The following MYO5A variants were observed in gnomAD, a reference collection of about 807,000 sequenced individuals.
MYO5A encodes the protein myosin VA.
In MYO5A, 98 loss-of-function variants were observed where a neutral mutation model predicts 249.7. The ratio of observed to expected loss-of-function variants is 0.39; its 90% CI spans 0.33 to 0.46. The LOEUF (loss-of-function observed/expected upper bound fraction) is 0.46. MYO5A is among the 20% of genes least tolerant of loss of function. The pLI is 0.98. For missense variants in MYO5A, 1,696 were observed against 2,308.8 expected (o/e 0.73, Z 5.44); for synonymous variants, 778 against 810.6 (o/e 0.96, Z 0.68).
intron 9 of MYO5A, among the ~76,000 whole-genome samples, chr15:52,402,114 T>C (rs374669488): frequency 6.6e-6 from 1 of 152,324 alleles, no homozygotes; most frequent in Admixed American, 6.5e-5. Flanking sequence ...CAAAGTAGAT[T>C]TGCAGTTGCT....
At chr15:52,505,669 G>A (rs772456504) in intron 1 of MYO5A, 69 of 1,235,766 alleles carry the variant, frequency 5.6e-5, no homozygotes, top group Non-Finnish European at 7.3e-5. Flanking sequence ...ATTAGAGGGC[G>A]TCAGAAGCAT....
intron 21 of MYO5A, among the ~76,000 whole-genome samples, 153 bp from the exon 22 acceptor site, chr15:52,370,570 A>T (rs1240214323): frequency 6.6e-6 from 1 of 152,258 alleles, no homozygotes; most frequent in African/African-American, 2.4e-5. Context: ...CAATAGCACA[A>T]CCAATACCTT....
intron 37 of MYO5A, 93 bp downstream of exon 37, chr15:52,323,258 CTAAA>C (rs1302808196): frequency 8.9e-7 from 1 of 1,120,482 alleles, no homozygotes; most frequent in East Asian, 2.5e-5. Context: ...ATTTGGGTTC[CTAAA>C]TAAATGGTTA....
chr15:52,510,892 T>C (rs1453430168), intron 1 of MYO5A, among the ~76,000 whole-genome samples: 3 of 152,246 alleles, frequency 2.0e-5, no homozygotes, highest in Non-Finnish European at 4.4e-5. Context: ...TTTCATTTAA[T>C]TGTACCCATC....
rs1273600595 is a variant in MYO5A at position 52,423,388 on chromosome 15, TAA to T, written c.455+2440_455+2441del. Among the ~76,000 whole-genome samples the T allele has an allele frequency of 2.6e-5, 4 of 151,412 alleles. No homozygotes were observed. In the East Asian group the frequency reaches 5.8e-4, roughly 22 times the overall value. On this transcript the variant is annotated intron_variant, in intron 4 of 41. Coordinates refer to ENST00000399233, the MANE Select transcript of MYO5A (RefSeq NM_001382347.1). ...TAACACAGTGAAACCCCGTCTCCAC[TAA>T]AAATACAAAAAATTAGCTGGGCGTG...
intron 1 of MYO5A, among the ~76,000 whole-genome samples, chr15:52,476,873 G>C (rs2076605930): frequency 6.6e-6 from 1 of 152,054 alleles, no homozygotes; most frequent in African/African-American, 2.4e-5. Context: ...TATGTGTCTT[G>C]GGGTTGTTCT....
intron 1 of MYO5A, among the ~76,000 whole-genome samples, chr15:52,482,057 GC>G (rs939254203): frequency 6.6e-6 from 1 of 152,182 alleles, no homozygotes; most frequent in African/African-American, 2.4e-5. Context: ...AGAGGAAGTG[GC>G]TAGGCAGTTT....
chr15:52,489,292 C>T (rs2076886218), intron 1 of MYO5A, among the ~76,000 whole-genome samples: 1 of 152,150 alleles, frequency 6.6e-6, no homozygotes, highest in South Asian at 2.1e-4. Flanking sequence ...CGGCTGGGCG[C>T]GGTGGCTCAT....
intron 36 of MYO5A, among the ~76,000 whole-genome samples, chr15:52,325,974 T>C (rs2038584812): frequency 6.6e-6 from 1 of 152,192 alleles, no homozygotes; most frequent in Non-Finnish European, 1.5e-5. Context: ...AGAAAACAAG[T>C]TGAACTCAAA....
intron 1 of MYO5A, among the ~76,000 whole-genome samples, chr15:52,453,694 C>T (rs926687017): frequency 4.6e-5 from 7 of 151,716 alleles, no homozygotes; most frequent in South Asian, 2.1e-4. Flanking sequence ...AAAGTGAAAA[C>T]GTAGGGGGAA....
At chr15:52,462,920 T>G (rs868191057) in intron 1 of MYO5A, among the ~76,000 whole-genome samples, 4 of 152,340 alleles carry the variant, frequency 2.6e-5, no homozygotes, top group Middle Eastern at 6.8e-3. Context: ...GAGTACACTT[T>G]GCTTCCCTTA....
rs1006019790 is a variant in MYO5A, at chr15:52,358,454, C to T, written c.3423+1514G>A. 3.3e-5 allele frequency among the ~76,000 whole-genome samples: 5 copies of T among 152,210 alleles called. No individual in the cohort carries two copies. In the East Asian group the frequency reaches 7.7e-4, roughly 23 times the overall value. On this transcript the variant is annotated intron_variant, in intron 25 of 41. Coordinates refer to ENST00000399233, the MANE Select transcript of MYO5A (RefSeq NM_001382347.1). ...TCCAAAGATGGCACCAATGATTCTT[C>T]TCAACATACAAGTATTTCCTCCCAA... is the stretch of plus-strand genomic sequence containing the variant.
chr15:52,384,404 T>C (rs1025989025), intron 14 of MYO5A, 82 bp from the exon 15 acceptor site: 26 of 1,387,372 alleles, frequency 1.9e-5, no homozygotes, highest in Non-Finnish European at 7.1e-6. Context: ...TTACAGAGAT[T>C]CCCTTCCTTA....
chr15:52,385,569 T>C (rs561841699), intron 14 of MYO5A, among the ~76,000 whole-genome samples: 5 of 151,332 alleles, frequency 3.3e-5, no homozygotes, highest in South Asian at 2.1e-4. Context: ...ATTCCATATA[T>C]ATATATATTT....
intron 4 of MYO5A, among the ~76,000 whole-genome samples, chr15:52,416,985 G>A (rs781551385): frequency 1.3e-4 from 20 of 152,250 alleles, no homozygotes; most frequent in Non-Finnish European, 1.8e-4. Context: ...CTGCCCACTT[G>A]GCAATGTGAT....
chr15:52,489,129 C>T (rs1197615227), intron 1 of MYO5A, among the ~76,000 whole-genome samples: 1 of 152,008 alleles, frequency 6.6e-6, no homozygotes, highest in Non-Finnish European at 1.5e-5. Flanking sequence ...GGACCAAAGA[C>T]CTAAATGTTA....
At chr15:52,415,033 C>T (rs534729020) in intron 5 of MYO5A, among the ~76,000 whole-genome samples, 52 of 152,262 alleles carry the variant, frequency 3.4e-4, no homozygotes, top group African/African-American at 1.1e-3. Context: ...TCCTGCTGCT[C>T]TAGAGAGCAG....
chr15:52,420,982 G>A (rs1483810691), intron 4 of MYO5A, among the ~76,000 whole-genome samples: 1 of 152,122 alleles, frequency 6.6e-6, no homozygotes, highest in Non-Finnish European at 1.5e-5. Flanking sequence ...GTGGTGATCT[G>A]CTCCAGGGAT....
intron 24 of MYO5A, among the ~76,000 whole-genome samples, chr15:52,362,237 C>G (rs1253391114): frequency 6.6e-6 from 1 of 152,218 alleles, no homozygotes; most frequent in Non-Finnish European, 1.5e-5. Flanking sequence ...GGCAGTGTAT[C>G]AAGTCCCCTC....
Sources: gnomAD v4.1 joint callset for allele counts (sites outside exome capture counted in the v4.1 genomes callset) on GRCh38, gnomAD v4.1.1 for gene constraint, MANE v1.5 for transcripts, NCBI Gene and HGNC (gene_info 2026-07-23, HGNC 2026-07-21) for gene names.